Variants in GLDC observed in about 807,000 individuals in gnomAD.
GLDC encodes the protein glycine decarboxylase.
GLDC carries 104 observed loss-of-function variants against 121.3 expected under a neutral mutation model. The ratio of observed to expected loss-of-function variants is 0.86; its 90% confidence interval spans 0.73 to 1.01. The LOEUF (loss-of-function observed/expected upper bound fraction) is 1.01. GLDC is among the 50% of genes least tolerant of loss of function. The pLI, the probability that GLDC is intolerant of heterozygous loss-of-function variation, is 0.00. For synonymous variants in GLDC, 546 were observed against 480.6 expected (o/e 1.14, Z -1.78); for missense variants, 1,429 against 1,306.6 (o/e 1.09, Z -1.44).
chr9:6,549,290 G>A (rs1332512445), intron 21 of GLDC, among the ~76,000 whole-genome samples: 1 of 151,530 alleles, frequency 6.6e-6, no homozygotes, highest in East Asian at 1.9e-4. Context: ...ACTCTCTCCT[G>A]GACCCTGGAG....
At chr9:6,566,275 TCA>T (rs1207284374) in intron 15 of GLDC, among the ~76,000 whole-genome samples, 3 of 152,194 alleles carry the variant, frequency 2.0e-5, no homozygotes, top group Non-Finnish European at 4.4e-5. Flanking sequence ...AACACAATTG[TCA>T]CACCTAGAAC....
chr9:6,565,371 C>G lies in GLDC; in HGVS notation c.1909G>C (p.Gly637Arg), dbSNP rs1025920284. The change falls in exon 16 of 25, where the codon GGA becomes CGA. Residue 637 changes from glycine (G) to arginine (R), a missense_variant. Coordinates refer to ENST00000321612, the MANE Select transcript of GLDC (RefSeq NM_000170.3). ...ATACTCACCGTTCTGTGCCCCTCTC[C>G]TTTCTGGTTTAAGTAGGCTCGGATA... ...ATIRAYLNQK[G>R]EGHRTVCLIP... 3 of 1,613,356 alleles carry G rather than the reference C, an allele frequency of 1.9e-6. No homozygotes were observed. In the African/African-American group the frequency reaches 4.0e-5, roughly 22 times the overall value.
At chr9:6,629,399 G>A (rs745310549) in intron 2 of GLDC, among the ~76,000 whole-genome samples, 75 of 151,890 alleles carry the variant, frequency 4.9e-4, no homozygotes, top group Non-Finnish European at 3.1e-4. Context: ...ATTTTTGGTG[G>A]AGACAGGGTT....
intron 15 of GLDC, among the ~76,000 whole-genome samples, chr9:6,570,984 G>A (rs1817954479): frequency 6.6e-6 from 1 of 151,554 alleles, no homozygotes; most frequent in Admixed American, 6.6e-5. Context: ...AATATGAGGT[G>A]AATTTGTTCC....
chr9:6,576,269 G>C (rs1363554377), intron 15 of GLDC, among the ~76,000 whole-genome samples: 1 of 152,130 alleles, frequency 6.6e-6, no homozygotes, highest in Non-Finnish European at 1.5e-5. Context: ...TGTCTAGTGA[G>C]GGCGCACTTC....
At chr9:6,577,364 G>A (rs1328422199) in intron 15 of GLDC, among the ~76,000 whole-genome samples, 5 of 152,210 alleles carry the variant, frequency 3.3e-5, no homozygotes, top group African/African-American at 9.6e-5. Context: ...GGCAGATGGA[G>A]GTGGTTATGT....
At chr9:6,641,406 A>C (rs543884823) in intron 2 of GLDC, among the ~76,000 whole-genome samples, 1 of 152,338 alleles carries the variant, frequency 6.6e-6, no homozygotes, top group South Asian at 2.1e-4. Flanking sequence ...GTTTGTGCAC[A>C]TCTGTAAACT....
At chr9:6,566,053 G>C (rs76004650) in intron 15 of GLDC, among the ~76,000 whole-genome samples, 1,899 of 152,276 alleles carry the variant, frequency 0.012, 34 homozygotes, top group African/African-American at 0.044. Context: ...ATCAGCCTGG[G>C]CAGCATGGCG....
chr9:6,585,789 A>G (rs1466691074), intron 15 of GLDC, among the ~76,000 whole-genome samples: 1 of 151,980 alleles, frequency 6.6e-6, no homozygotes, highest in African/African-American at 2.4e-5. Context: ...TAAAATGTAA[A>G]CTCACATACC....
At chr9:6,626,332 A>G (rs1436461235) in intron 2 of GLDC, among the ~76,000 whole-genome samples, 1 of 152,236 alleles carries the variant, frequency 6.6e-6, no homozygotes, top group Non-Finnish European at 1.5e-5. Flanking sequence ...AATTAGCTCC[A>G]GGAGACCAGT....
intron 7 of GLDC, among the ~76,000 whole-genome samples, chr9:6,603,357 T>C (rs1818657720): frequency 6.6e-6 from 1 of 152,060 alleles, no homozygotes; most frequent in South Asian, 2.1e-4. Context: ...GGCTTACACC[T>C]GGTAATCCGA....
rs374968310 is a variant in GLDC, at chr9:6,610,279, A to AC, written c.547dup (p.Val183GlyfsTer3). 6.2e-7 allele frequency: 1 copy of AC among 1,613,878 alleles called. No homozygotes were observed. The highest frequency in any genetic ancestry group is 8.5e-7 in the Non-Finnish European group (1 of 1,179,780). On this transcript the variant is annotated frameshift_variant, in exon 4 of 25. Coordinates refer to ENST00000321612, the MANE Select transcript of GLDC (RefSeq NM_000170.3). LOFTEE classifies it high-confidence loss of function. ...CATGTCCAGGCCTGTGATGTCACAC[A>AC]CCATGGTCTGGTAGTTGAGTAAACT... is the stretch of plus-strand genomic sequence containing the variant.
At chr9:6,615,423 T>A (rs532321800) in intron 3 of GLDC, among the ~76,000 whole-genome samples, 5,041 of 141,446 alleles carry the variant, frequency 0.036, 177 homozygotes, top group African/African-American at 0.091. Flanking sequence ...ACTAAAAATT[T>A]AAAAAAAAAA....
rs372693840 is a variant in GLDC at position 6,554,740 on chromosome 9, C to T, written c.2244G>A (p.Ser748=). ...CRPGDFGSDV[S]HLNLHKTFCI... Reference sequence around the variant, plus strand: ...AGAAGGTCTTGTGAAGATTTAGGTGCGAGACATCAGACCCGAAGTCTCCAG... The same window carrying T: ...AGAAGGTCTTGTGAAGATTTAGGTGTGAGACATCAGACCCGAAGTCTCCAG... The change falls in exon 19 of 25, where the codon TCG becomes TCA. Residue 748 remains serine (S), a synonymous_variant. Coordinates refer to ENST00000321612, the MANE Select transcript of GLDC (RefSeq NM_000170.3). 175 of 1,613,308 alleles carry T rather than the reference C, an allele frequency of 1.1e-4. No individual in the cohort carries two copies. Among genetic ancestry groups the T allele is most frequent in the South Asian group, 4.8e-4 (44 of 90,858 alleles).
chr9:6,536,258 C>G (rs1817128836), intron 22 of GLDC, 22 bp from the exon 23 acceptor site: 1 of 1,608,524 alleles, frequency 6.2e-7, no homozygotes, highest in South Asian at 1.1e-5. Flanking sequence ...GACAGGAGAA[C>G]TTGCCTCACT....
At chr9:6,628,061 C>T (rs1422208057) in intron 2 of GLDC, among the ~76,000 whole-genome samples, 1 of 152,220 alleles carries the variant, frequency 6.6e-6, no homozygotes, top group Non-Finnish European at 1.5e-5. Flanking sequence ...TGAAACTGAA[C>T]TTCACAGAAT....
chr9:6,535,976 T>C (rs981501044), intron 23 of GLDC, 88 bp downstream of exon 23: 2 of 1,099,276 alleles, frequency 1.8e-6, no homozygotes, highest in East Asian at 2.4e-5. Flanking sequence ...TCATCCTCAG[T>C]TGAGAGTTCG....
intron 15 of GLDC, chr9:6,569,455 C>G: frequency 6.6e-6 from 1 of 151,704 alleles, no homozygotes; most frequent in Non-Finnish European, 1.5e-5. Flanking sequence ...AGTTCGAGAC[C>G]AGCCTGGATA....
At chr9:6,585,593 A>G (rs1378447871) in intron 15 of GLDC, among the ~76,000 whole-genome samples, 2 of 152,172 alleles carry the variant, frequency 1.3e-5, no homozygotes, top group Non-Finnish European at 2.9e-5. Context: ...TTTACAAAGT[A>G]AATGGCTTTG....
Sources: gnomAD v4.1 joint callset for allele counts (sites outside exome capture counted in the v4.1 genomes callset) on GRCh38, gnomAD v4.1.1 for gene constraint, MANE v1.5 for transcripts, NCBI Gene and HGNC (gene_info 2026-07-23, HGNC 2026-07-21) for gene names.